Variants in PSMG2 observed in about 807,000 individuals in gnomAD.
PSMG2 encodes the protein CD40 ligand-activated specific transcript 3.
Under a neutral mutation model 31.5 loss-of-function variants are expected in PSMG2, and 21 were observed. The ratio of observed to expected loss-of-function variants is 0.67; its 90% CI spans 0.47 to 0.96. The LOEUF is 0.96. PSMG2 is among the 40% of genes least tolerant of loss of function. The pLI is 0.00. For missense variants in PSMG2, 318 were observed against 321.2 expected (o/e 0.99, Z 0.08); for synonymous variants, 120 against 110.4 (o/e 1.09, Z -0.54).
chr18:12,705,677 C>T (rs1169869178), intron 1 of PSMG2, among the ~76,000 whole-genome samples: 2 of 149,988 alleles, frequency 1.3e-5, no homozygotes, highest in Non-Finnish European at 3.0e-5. Context: ...GTAAGCAGAC[C>T]CAAGAGTGCT....
chr18:12,708,242 C>T (rs976065169), intron 2 of PSMG2, among the ~76,000 whole-genome samples: 2 of 152,194 alleles, frequency 1.3e-5, no homozygotes, highest in Non-Finnish European at 2.9e-5. Flanking sequence ...TGCCACTGCA[C>T]TCCAGCCCGG....
intron 3 of PSMG2, among the ~76,000 whole-genome samples, chr18:12,715,964 G>A (rs766792098): frequency 6.6e-5 from 10 of 152,278 alleles, no homozygotes; most frequent in Non-Finnish European, 1.0e-4. Flanking sequence ...CCCATAATGC[G>A]TCCTAGTCAG....
intron 1 of PSMG2, chr18:12,674,515 A>T (rs367786867): frequency 6.3e-7 from 1 of 1,583,306 alleles, no homozygotes; most frequent in Non-Finnish European, 8.7e-7. Flanking sequence ...TGAAAAAATG[A>T]TTCCGTAAAT....
intron 1 of PSMG2, among the ~76,000 whole-genome samples, chr18:12,666,051 T>C (rs1217454172): frequency 6.6e-6 from 1 of 150,900 alleles, no homozygotes; most frequent in Non-Finnish European, 1.5e-5. Context: ...GCACAGTGGC[T>C]CATACTTGTG....
At chr18:12,710,006 G>A (rs1161093167) in intron 2 of PSMG2, among the ~76,000 whole-genome samples, 2 of 148,420 alleles carry the variant, frequency 1.3e-5, no homozygotes, top group Admixed American at 1.4e-4. Context: ...GCGGTGGCAC[G>A]ATCTCGGCTC....
At chr18:12,719,575 G>A (rs2040410787) in intron 4 of PSMG2, among the ~76,000 whole-genome samples, 1 of 151,324 alleles carries the variant, frequency 6.6e-6, no homozygotes, top group Non-Finnish European at 1.5e-5. Context: ...TTTAGTGGAG[G>A]CTGGGCTTCA....
At chr18:12,665,366 G>T (rs1462398327) in intron 1 of PSMG2, among the ~76,000 whole-genome samples, 6 of 152,088 alleles carry the variant, frequency 3.9e-5, no homozygotes, top group Non-Finnish European at 8.8e-5. Context: ...GGTAGAGGTT[G>T]CAGTGAATCG....
At chr18:12,701,157 G>A, upstream of PSMG2, 2 of 1,456,950 alleles carry the variant, frequency 1.4e-6, no homozygotes, top group Non-Finnish European at 9.5e-7. Context: ...TCACAAAGCA[G>A]TCAAATACTG....
intron 1 of PSMG2, among the ~76,000 whole-genome samples, chr18:12,671,635 ACACT>A (rs2038945456): frequency 2.2e-5 from 3 of 134,908 alleles, no homozygotes; most frequent in Non-Finnish European, 4.7e-5. Flanking sequence ...ATCAGGTTTC[ACACT>A]TTCTTTTTTT....
At chr18:12,695,301 A>T in intron 1 of PSMG2, 5 of 1,573,792 alleles carry the variant, frequency 3.2e-6, no homozygotes, top group Non-Finnish European at 2.6e-6. Flanking sequence ...AGTGGTGGAT[A>T]CATTTCAAGT....
At chr18:12,678,366 T>C in intron 1 of PSMG2, 1 of 1,614,102 alleles carries the variant, frequency 6.2e-7, no homozygotes, top group Non-Finnish European at 8.5e-7. Flanking sequence ...ACACAACCAA[T>C]TGTTCGATAT....
At chr18:12,718,693 C>G (rs944360852) in intron 4 of PSMG2, 58 bp downstream of exon 4, 2 of 1,293,496 alleles carry the variant, frequency 1.5e-6, no homozygotes, top group East Asian at 2.4e-5. Flanking sequence ...GATAATTTCT[C>G]TATTAAAAAG....
chr18:12,687,009 A>T (rs764908573), intron 1 of PSMG2, among the ~76,000 whole-genome samples: 20 of 152,182 alleles, frequency 1.3e-4, no homozygotes, highest in Admixed American at 2.6e-4. Context: ...TTTACATCCT[A>T]AATACAGGAT....
At chr18:12,661,342 G>A (rs866199518) in intron 1 of PSMG2, 4 of 982,998 alleles carry the variant, frequency 4.1e-6, no homozygotes, top group East Asian at 1.1e-4. Flanking sequence ...AAGCCTTACC[G>A]TCATCCATCA....
chr18:12,676,085 T>C (rs2039120104), intron 1 of PSMG2, among the ~76,000 whole-genome samples: 1 of 152,130 alleles, frequency 6.6e-6, no homozygotes, highest in South Asian at 2.1e-4. Context: ...ATTATCATAA[T>C]GGATCTTTGG....
At chr18:12,700,412 T>G (rs1386451428), upstream of PSMG2, 3 of 152,720 alleles carry the variant, frequency 2.0e-5, no homozygotes, top group East Asian at 5.8e-4. Flanking sequence ...GGTATTGAGG[T>G]CACAGTTTCC....
intron 1 of PSMG2, among the ~76,000 whole-genome samples, chr18:12,705,742 T>C (rs1027625653): frequency 6.6e-6 from 1 of 152,162 alleles, no homozygotes; most frequent in Non-Finnish European, 1.5e-5. Flanking sequence ...GGAATGTTCT[T>C]TCCCAGATCT....
chr18:12,669,367 C>A (rs927897959), intron 1 of PSMG2, among the ~76,000 whole-genome samples: 1 of 152,022 alleles, frequency 6.6e-6, no homozygotes, highest in Non-Finnish European at 1.5e-5. Context: ...CCGCCTTGGC[C>A]TTCCAAAGTG....
intron 1 of PSMG2, among the ~76,000 whole-genome samples, chr18:12,659,285 C>G (rs1158529692): frequency 6.6e-6 from 1 of 152,010 alleles, no homozygotes; most frequent in Non-Finnish European, 1.5e-5. Flanking sequence ...ATTTAAATAA[C>G]AACAGTCTAT....
Sources: gnomAD v4.1 joint callset for allele counts (sites outside exome capture counted in the v4.1 genomes callset) on GRCh38, gnomAD v4.1.1 for gene constraint, MANE v1.5 for transcripts, NCBI Gene and HGNC (gene_info 2026-07-23, HGNC 2026-07-21) for gene names.